Variants in SH2D4A observed in about 807,000 individuals in gnomAD.
SH2D4A encodes SH2 domain containing 4A.
A neutral mutation model predicts 64.7 loss-of-function variants in SH2D4A; 70 were observed. The observed-to-expected ratio is 1.08, with a 90% CI of 0.89 to 1.32. The LOEUF is 1.32. SH2D4A is among the 40% of genes most tolerant of loss of function. SH2D4A has a pLI of 0.00. For missense variants in SH2D4A, 706 were observed against 540.1 expected, an observed-to-expected ratio of 1.31 and a Z score of -3.04; for synonymous variants, 268 against 200.7, an observed-to-expected ratio of 1.34 and a Z score of -2.83.
chr8:19,337,294 C>T (rs1433000660), intron 4 of SH2D4A, among the ~76,000 whole-genome samples: 5 of 152,132 alleles, frequency 3.3e-5, no homozygotes, highest in Non-Finnish European at 7.4e-5. Context: ...CGTCTGCTAC[C>T]TCTCAGACAA....
chr8:19,336,068 G>T (rs1025387204), intron 4 of SH2D4A, among the ~76,000 whole-genome samples: 1 of 152,070 alleles, frequency 6.6e-6, no homozygotes, highest in Non-Finnish European at 1.5e-5. Flanking sequence ...ACATGGTCAG[G>T]GGTTATTCCA....
At chr8:19,374,723 G>A (rs1306265956) in intron 8 of SH2D4A, among the ~76,000 whole-genome samples, 1 of 152,108 alleles carries the variant, frequency 6.6e-6, no homozygotes, top group Admixed American at 6.5e-5. Flanking sequence ...CATCTCAGAG[G>A]AGTCCCCTCT....
chr8:19,355,345 C>T (rs536789925), intron 4 of SH2D4A, among the ~76,000 whole-genome samples: 12 of 152,118 alleles, frequency 7.9e-5, no homozygotes, highest in East Asian at 3.9e-4. Context: ...TGAGCAGACG[C>T]GCTTACATGA....
chr8:19,317,307 T>TC (rs1343919566), intron 1 of SH2D4A, among the ~76,000 whole-genome samples: 1 of 150,210 alleles, frequency 6.7e-6, no homozygotes, highest in Non-Finnish European at 1.5e-5. Context: ...ACATCCATTT[T>TC]TTTTTTTTTT....
intron 8 of SH2D4A, among the ~76,000 whole-genome samples, chr8:19,385,123 C>T (rs2053362482): frequency 1.3e-5 from 2 of 152,088 alleles, no homozygotes; most frequent in South Asian, 4.1e-4. Flanking sequence ...GTGCTTTGGT[C>T]CCAGTATTTT....
intron 8 of SH2D4A, among the ~76,000 whole-genome samples, chr8:19,382,818 AGATTC>A (rs1252603225): frequency 8.0e-6 from 1 of 124,942 alleles, no homozygotes; most frequent in East Asian, 2.0e-4. Context: ...GCTGCTTTTA[AGATTC>A]TTTTTTTTTT....
At chr8:19,335,186 G>A (rs549033117) in intron 4 of SH2D4A, among the ~76,000 whole-genome samples, 60 of 152,182 alleles carry the variant, frequency 3.9e-4, no homozygotes, top group African/African-American at 1.4e-3. Flanking sequence ...TACTCGGGAG[G>A]CTGAGGCAGG....
chr8:19,335,201 C>T (rs981562600), intron 4 of SH2D4A, among the ~76,000 whole-genome samples: 4 of 151,864 alleles, frequency 2.6e-5, no homozygotes, highest in East Asian at 1.9e-4. Context: ...GGCAGGAGAA[C>T]GGCGTGAACC....
At chr8:19,343,469 T>C (rs975379940) in intron 4 of SH2D4A, among the ~76,000 whole-genome samples, 1 of 152,120 alleles carries the variant, frequency 6.6e-6, no homozygotes, top group African/African-American at 2.4e-5. Flanking sequence ...AAAACTTGCC[T>C]TGTTTATCTC....
At chr8:19,338,859 T>G (rs2052484183) in intron 4 of SH2D4A, among the ~76,000 whole-genome samples, 1 of 152,174 alleles carries the variant, frequency 6.6e-6, no homozygotes, top group South Asian at 2.1e-4. Context: ...AGTGAGGTAT[T>G]GTATTGGTCA....
In SH2D4A at chr8:19,329,992, T is replaced by G. The variant is rs1303946807; in HGVS notation, c.182-2963T>G. Among the ~76,000 whole-genome samples the G allele has an allele frequency of 2.6e-5, 4 of 152,204 alleles. No individual in the cohort carries two copies. In the East Asian group the frequency reaches 7.7e-4, roughly 29 times the overall value. On this transcript the variant is annotated intron_variant, in intron 2 of 9. Transcript: ENST00000265807. ...ACACGTATTAGATATGTGATGAAAATTCATTAAATGCATCACCTAATGTCT... is the reference window on the plus strand; with the variant it reads ...ACACGTATTAGATATGTGATGAAAAGTCATTAAATGCATCACCTAATGTCT...
chr8:19,385,592 A>G (rs572735639), intron 8 of SH2D4A, among the ~76,000 whole-genome samples: 1 of 152,104 alleles, frequency 6.6e-6, no homozygotes, highest in African/African-American at 2.4e-5. Context: ...TATTCTCTGG[A>G]ATTGTTGTTC....
intron 7 of SH2D4A, among the ~76,000 whole-genome samples, chr8:19,373,098 C>T (rs1213449269): frequency 6.6e-6 from 1 of 152,078 alleles, no homozygotes; most frequent in Non-Finnish European, 1.5e-5. Flanking sequence ...CTTATAATTC[C>T]TATACAAATG....
chr8:19,357,697 TC>T (rs762747948), intron 5 of SH2D4A, among the ~76,000 whole-genome samples: 18 of 152,118 alleles, frequency 1.2e-4, no homozygotes, highest in Admixed American at 2.0e-4. Context: ...GTCCTCCACA[TC>T]CACCATGCCT....
intron 4 of SH2D4A, among the ~76,000 whole-genome samples, chr8:19,354,727 G>A (rs1215496077): frequency 6.6e-6 from 1 of 152,226 alleles, no homozygotes; most frequent in Admixed American, 6.5e-5. Flanking sequence ...CTCACGCATT[G>A]TGTTCAAAGC....
chr8:19,369,308 G>T (rs1299833595), intron 7 of SH2D4A, among the ~76,000 whole-genome samples: 2 of 151,772 alleles, frequency 1.3e-5, no homozygotes, highest in Non-Finnish European at 2.9e-5. Context: ...TTTTTTTGTT[G>T]TGTCTTTGTC....
rs111901870 is a variant in SH2D4A, at chr8:19,361,806, A to AT, written c.706+500dup. Among the ~76,000 whole-genome samples, 366 of 152,044 alleles carry AT rather than the reference A, an allele frequency of 2.4e-3. 2 individuals carry two copies. Among genetic ancestry groups the AT allele is most frequent in the African/African-American group, 8.4e-3 (348 of 41,452 alleles). ...CTTGTAATTTAATATTGTGTTTTGGATTTTTTTTCCCCTAAATTTTTGATA... is the reference window on the plus strand; with the variant it reads ...CTTGTAATTTAATATTGTGTTTTGGATTTTTTTTTCCCCTAAATTTTTGATA... On this transcript the variant is annotated intron_variant, in intron 6 of 9. Transcript: ENST00000265807.
chr8:19,383,393 G>GT (rs1243294785), intron 8 of SH2D4A, among the ~76,000 whole-genome samples: 4,546 of 141,546 alleles, frequency 0.032, 183 homozygotes, highest in African/African-American at 0.096. Context: ...TTTGTTCTTG[G>GT]TTTTTTTTTT....
chr8:19,343,793 A>T (rs916116541), intron 4 of SH2D4A, among the ~76,000 whole-genome samples: 1 of 152,114 alleles, frequency 6.6e-6, no homozygotes, highest in Admixed American at 6.5e-5. Context: ...ATCTTTCAGG[A>T]GTTTTAACCT....
Sources: gnomAD v4.1 joint callset for allele counts (sites outside exome capture counted in the v4.1 genomes callset) on GRCh38, gnomAD v4.1.1 for gene constraint, MANE v1.5 for transcripts, NCBI Gene and HGNC (gene_info 2026-07-23, HGNC 2026-07-21) for gene names.